The following PLD5 variants were observed in gnomAD, a reference collection of about 807,000 sequenced individuals.
PLD5 encodes the protein phospholipase D family member 5.
PLD5 carries 36 observed loss-of-function variants against 61.1 expected under a neutral mutation model. The ratio of observed to expected loss-of-function variants is 0.59; its 90% CI spans 0.45 to 0.78. The LOEUF (loss-of-function observed/expected upper bound fraction) is 0.78. PLD5 is among the 30% of genes least tolerant of loss of function. The probability of loss-of-function intolerance (pLI) is 0.00; values close to 1 mark genes in which losing one functional copy is unlikely to be tolerated. For missense variants in PLD5, 515 were observed against 644.4 expected, an observed-to-expected ratio of 0.80 and a Z score of 2.17; for synonymous variants, 243 against 242.8, an observed-to-expected ratio of 1.00 and a Z score of -0.01.
At chr1:242,144,439 C>T (rs568486771) in intron 5 of PLD5, among the ~76,000 whole-genome samples, 5 of 152,148 alleles carry the variant, frequency 3.3e-5, no homozygotes, top group South Asian at 2.1e-4. Context: ...CACAGACACA[C>T]GAGGTAATTG....
intron 1 of PLD5, among the ~76,000 whole-genome samples, chr1:242,461,240 G>C (rs901093718): frequency 1.3e-5 from 2 of 152,138 alleles, no homozygotes; most frequent in Non-Finnish European, 2.9e-5. Context: ...CCCTGACAGG[G>C]AACATCCCAT....
chr1:242,403,478 T>A (rs1664054345), intron 1 of PLD5, among the ~76,000 whole-genome samples: 1 of 151,664 alleles, frequency 6.6e-6, no homozygotes, highest in African/African-American at 2.4e-5. Flanking sequence ...CTTTTTTTTT[T>A]TTTTTTTAAG....
intron 1 of PLD5, among the ~76,000 whole-genome samples, chr1:242,383,751 C>T (rs1233005002): frequency 6.6e-6 from 1 of 152,116 alleles, no homozygotes; most frequent in Non-Finnish European, 1.5e-5. Flanking sequence ...TGCATTCAGG[C>T]TTTGCATAAT....
At chr1:242,101,513 G>A (rs755439549) in intron 8 of PLD5, among the ~76,000 whole-genome samples, 1 of 152,160 alleles carries the variant, frequency 6.6e-6, no homozygotes, top group Non-Finnish European at 1.5e-5. Context: ...CTAAGCTCAT[G>A]GAACTCCATG....
intron 1 of PLD5, among the ~76,000 whole-genome samples, chr1:242,502,624 T>A (rs1668589720): frequency 6.6e-6 from 1 of 152,292 alleles, no homozygotes; most frequent in East Asian, 1.9e-4. Context: ...AATATTTACA[T>A]GTTTATGGGT....
intron 4 of PLD5, among the ~76,000 whole-genome samples, chr1:242,253,949 C>T (rs114033147): frequency 0.026 from 3,987 of 152,238 alleles, 164 homozygotes; most frequent in African/African-American, 0.085. Flanking sequence ...AGAACAGAGA[C>T]GGAAAACACA....
chr1:242,300,113 G>A (rs1204241098), intron 2 of PLD5, among the ~76,000 whole-genome samples: 1 of 152,214 alleles, frequency 6.6e-6, no homozygotes, highest in African/African-American at 2.4e-5. Flanking sequence ...GAATTTGTGA[G>A]CAGAGTGCTC....
chr1:242,115,226 T>A (rs1038432846), intron 6 of PLD5, among the ~76,000 whole-genome samples: 4 of 152,054 alleles, frequency 2.6e-5, no homozygotes, highest in Admixed American at 2.0e-4. Context: ...ATAAATGTGA[T>A]GCCCTTCAAT....
intron 5 of PLD5, among the ~76,000 whole-genome samples, chr1:242,168,866 T>TTTTTTTC (rs869214408): frequency 7.4e-6 from 1 of 135,260 alleles, no homozygotes; most frequent in South Asian, 2.6e-4. Flanking sequence ...TTTTTTTTTT[T>TTTTTTTC]ACCACCCCCC....
chr1:242,175,350 T>C lies in PLD5; in HGVS notation c.735+44638A>G, dbSNP rs576712732. Among the ~76,000 whole-genome samples, 20 of 151,870 alleles carry C rather than the reference T, an allele frequency of 1.3e-4. 1 individual carries two copies. Among genetic ancestry groups the C allele is most frequent in the Admixed American group, 6.6e-4 (10 of 15,252 alleles). On this transcript the variant is annotated intron_variant, in intron 5 of 9. Transcript: ENST00000536534. ...ACATAAACAGAACCAATGACAAAAA[T>C]CACGATTATCTCAATAGATGCAGAA...
At chr1:242,291,618 A>G (rs1218515726) in intron 2 of PLD5, among the ~76,000 whole-genome samples, 1 of 152,096 alleles carries the variant, frequency 6.6e-6, no homozygotes, top group East Asian at 1.9e-4. Context: ...CATCTTGGCT[A>G]ACACGGTGAA....
intron 1 of PLD5, among the ~76,000 whole-genome samples, chr1:242,439,653 T>G (rs1274246795): frequency 6.6e-6 from 1 of 152,226 alleles, no homozygotes; most frequent in African/African-American, 2.4e-5. Flanking sequence ...CAGAAATGGC[T>G]GCTCTATCTG....
chr1:242,311,920 CTCAGACTCA>C (rs1313970894), intron 2 of PLD5, among the ~76,000 whole-genome samples: 1 of 8,550 alleles, frequency 1.2e-4, no homozygotes, highest in Non-Finnish European at 2.4e-3. Flanking sequence ...CTTTTTATTC[CTCAGACTCA>C]TCAATGATTT....
intron 5 of PLD5, among the ~76,000 whole-genome samples, chr1:242,127,676 T>A (rs551008214): frequency 1.9e-4 from 29 of 150,750 alleles, no homozygotes; most frequent in African/African-American, 7.1e-4. Flanking sequence ...GGGAAGGGGG[T>A]GAGGGATAAA....
chr1:242,502,932 A>T (rs1475630576), intron 1 of PLD5, among the ~76,000 whole-genome samples: 1 of 152,062 alleles, frequency 6.6e-6, no homozygotes, highest in Non-Finnish European at 1.5e-5. Flanking sequence ...GTGGTGGCAC[A>T]CACCTGTGAT....
chr1:242,277,939 C>T (rs71205646), intron 3 of PLD5, among the ~76,000 whole-genome samples: 3 of 152,162 alleles, frequency 2.0e-5, no homozygotes, highest in Admixed American at 6.5e-5. Context: ...GCTGAGATCA[C>T]GCCACTGCAC....
At chr1:242,442,331 T>C (rs979922760) in intron 1 of PLD5, among the ~76,000 whole-genome samples, 4 of 152,196 alleles carry the variant, frequency 2.6e-5, no homozygotes, top group African/African-American at 9.6e-5. Flanking sequence ...ATCTCTCAAA[T>C]TCCGCCACTG....
chr1:242,400,039 G>C (rs1419390187), intron 1 of PLD5, among the ~76,000 whole-genome samples: 1 of 152,072 alleles, frequency 6.6e-6, no homozygotes, highest in Non-Finnish European at 1.5e-5. Context: ...TTGGTGGCAG[G>C]CGCCTGTAAT....
In PLD5 at chr1:242,140,475, A is replaced by G. The variant is rs563418023; in HGVS notation, c.736-15810T>C. Among the ~76,000 whole-genome samples the G allele has an allele frequency of 3.9e-5, 6 of 152,238 alleles. No individual in the cohort carries two copies. The East Asian group carries it at 1.2e-3, about 29-fold the overall frequency. ...CCTGGGTTTAGTAGCCTTCTCTACT[A>G]AAAATACAAAAATTAGCCAGGCATG... is the stretch of plus-strand genomic sequence containing the variant. On this transcript the variant is annotated intron_variant, in intron 5 of 9. Transcript: ENST00000536534.
Sources: allele counts gnomAD v4.1 joint callset (sites outside exome capture counted in the v4.1 genomes callset), GRCh38; gene constraint gnomAD v4.1.1; transcripts MANE v1.5; gene names NCBI Gene and HGNC (gene_info 2026-07-23, HGNC 2026-07-21).